Variants in RBM34 observed in about 807,000 individuals in gnomAD.
RBM34 encodes the protein RNA-binding protein 34.
In RBM34, 39 loss-of-function variants were observed where a neutral mutation model predicts 44.6. That is an observed-to-expected ratio of 0.87 (90% CI 0.68 to 1.14). RBM34 has a LOEUF of 1.14. RBM34 is among the 50% of genes most tolerant of loss of function. The pLI, the probability that RBM34 is intolerant of heterozygous loss-of-function variation, is 0.00. For missense variants in RBM34, 572 were observed against 517.9 expected, an observed-to-expected ratio of 1.10 and a Z score of -1.01; for synonymous variants, 194 against 184.0, an observed-to-expected ratio of 1.05 and a Z score of -0.44.
At position 235,132,036 on chromosome 1, in the gene RBM34, AC is replaced by A. The variant is rs760756504; in HGVS notation, c.1009-40del. 85 of 1,508,906 alleles carry A rather than the reference AC, an allele frequency of 5.6e-5. No homozygotes were observed. The East Asian group carries it at 1.9e-3, about 33-fold the overall frequency. The allele number at this position is 1,508,906 out of a possible 1,614,324, so 93.5% of individuals were successfully genotyped here. On this transcript the variant is annotated intron_variant, in intron 10 of 10. Transcript: ENST00000408888. ...CACAATACATTAATTGCTACCAGAA[AC>A]CCATCTGCAAAGAAACTAGTGAAAG...
chr1:235,155,522 T>G (rs1662361794), intron 3 of RBM34, among the ~76,000 whole-genome samples: 1 of 138,692 alleles, frequency 7.2e-6, no homozygotes, highest in African/African-American at 2.8e-5. Context: ...TTTTTTTTTT[T>G]GAGACGGAGT....
Position 235,155,131 on chromosome 1 carries a change from A to G in RBM34, c.366-19T>C, listed in dbSNP as rs1469592348. 1 of 1,600,476 alleles carries G rather than the reference A, an allele frequency of 6.2e-7. No homozygotes were observed. Among genetic ancestry groups the G allele is most frequent in the Non-Finnish European group, 8.5e-7 (1 of 1,171,254 alleles). The stretch of plus-strand genomic sequence containing the variant: ...GCTTTCCCTTTTTAAGGCAAAAAAT[A>G]AAATAAGCAGTAAGAGTCATGCCAG... On this transcript the variant is annotated intron_variant, in intron 3 of 10. Transcript: ENST00000408888.
At chr1:235,146,171 C>A (rs1661900151) in intron 6 of RBM34, among the ~76,000 whole-genome samples, 1 of 151,928 alleles carries the variant, frequency 6.6e-6, no homozygotes, top group South Asian at 2.1e-4. Context: ...CCAGGGAGGT[C>A]CTGGGCTCAA....
At chr1:235,155,862 T>TAC (rs1553275375) in intron 3 of RBM34, among the ~76,000 whole-genome samples, 18 of 39,968 alleles carry the variant, frequency 4.5e-4, no homozygotes, top group African/African-American at 2.0e-3. Context: ...TATATATATA[T>TAC]ATATACATAT....
chr1:235,158,963 T>TAA (rs143616969), intron 3 of RBM34, among the ~76,000 whole-genome samples: 10 of 125,494 alleles, frequency 8.0e-5, no homozygotes, highest in African/African-American at 2.9e-4. Context: ...ATTTTTTTAC[T>TAA]AAAAAAAAAA....
At chr1:235,140,351 G>A (rs1210472721) in intron 6 of RBM34, among the ~76,000 whole-genome samples, 3 of 152,206 alleles carry the variant, frequency 2.0e-5, no homozygotes, top group African/African-American at 4.8e-5. Context: ...CCAGGTGGGC[G>A]TGGGCTTGGC....
chr1:235,152,548 C>T, intron 5 of RBM34, 158 bp downstream of exon 5: 1 of 1,389,244 alleles, frequency 7.2e-7, no homozygotes, highest in Non-Finnish European at 9.4e-7. Flanking sequence ...CAAGAGTCAG[C>T]AGTAGATAGT....
chr1:235,148,321 G>T, intron 6 of RBM34, 83 bp downstream of exon 6: 1 of 996,320 alleles, frequency 1.0e-6, no homozygotes, highest in Non-Finnish European at 1.5e-6. Flanking sequence ...TAAAATCTAT[G>T]CAATTGTTAA....
intron 4 of RBM34, 56 bp downstream of exon 4, chr1:235,154,825 A>T: frequency 7.2e-7 from 1 of 1,380,056 alleles, no homozygotes; most frequent in South Asian, 1.2e-5. Context: ...TGCTTATTCA[A>T]CACAGGAAGA....
intron 3 of RBM34, among the ~76,000 whole-genome samples, chr1:235,155,794 C>A (rs1662379239): frequency 7.9e-6 from 1 of 126,810 alleles, no homozygotes. Flanking sequence ...TGTGAGCCAC[C>A]ATGTCCAGTC....
chr1:235,136,154 T>TC (rs1257960630), intron 8 of RBM34, 81 bp from the exon 9 acceptor site: 2 of 1,139,402 alleles, frequency 1.8e-6, no homozygotes, highest in Non-Finnish European at 2.6e-6. Flanking sequence ...TATCCCTCCT[T>TC]CCCCCCATAT....
At chr1:235,157,402 GGGCCACTAACTTA>G (rs1662496918) in intron 3 of RBM34, among the ~76,000 whole-genome samples, 1 of 152,136 alleles carries the variant, frequency 6.6e-6, no homozygotes, top group African/African-American at 2.4e-5. Context: ...GATGACTCTC[GGGCCACTAACTTA>G]GGCAACTAGA....
chr1:235,151,798 T>C (rs1203270256), intron 5 of RBM34, among the ~76,000 whole-genome samples: 2 of 152,120 alleles, frequency 1.3e-5, no homozygotes, highest in Non-Finnish European at 2.9e-5. Context: ...TTTGGGAGGC[T>C]GAGGCAGGCG....
chr1:235,154,022 G>T (rs970228404), intron 4 of RBM34, among the ~76,000 whole-genome samples: 9 of 152,034 alleles, frequency 5.9e-5, no homozygotes, highest in Middle Eastern at 3.4e-3. Context: ...CGAGGCGGAC[G>T]GATCACAAGG....
chr1:235,150,935 G>A (rs953566258), intron 5 of RBM34, among the ~76,000 whole-genome samples: 13 of 152,164 alleles, frequency 8.5e-5, no homozygotes, highest in Non-Finnish European at 1.5e-4. Context: ...TGTGTGTGGC[G>A]GCTGGGGGGA....
chr1:235,154,406 A>C (rs531857244), intron 4 of RBM34, among the ~76,000 whole-genome samples: 25 of 147,672 alleles, frequency 1.7e-4, no homozygotes, highest in East Asian at 4.1e-4. Flanking sequence ...AAAAAAAAAA[A>C]CACAAAAATT....
At chr1:235,152,858 T>C in intron 4 of RBM34, 93 bp from the exon 5 acceptor site, 1 of 960,414 alleles carries the variant, frequency 1.0e-6, no homozygotes, top group South Asian at 1.7e-5. Flanking sequence ...CTGATAATCC[T>C]CTACTGCCAG....
intron 6 of RBM34, among the ~76,000 whole-genome samples, chr1:235,138,798 T>C (rs1196060248): frequency 2.0e-5 from 3 of 147,056 alleles, no homozygotes; most frequent in Non-Finnish European, 4.5e-5. Flanking sequence ...GATATGTCTT[T>C]TGAATCTTGT....
intron 5 of RBM34, among the ~76,000 whole-genome samples, chr1:235,148,890 G>A (rs183832336): frequency 1.2e-4 from 18 of 151,762 alleles, no homozygotes; most frequent in Admixed American, 5.3e-4. Context: ...GAGCCACCAC[G>A]GCTGGCCAAT....
Sources: allele counts gnomAD v4.1 joint callset (sites outside exome capture counted in the v4.1 genomes callset), GRCh38; gene constraint gnomAD v4.1.1; transcripts MANE v1.5; gene names NCBI Gene and HGNC (gene_info 2026-07-23, HGNC 2026-07-21).